COL23A1: variants seen among roughly 807,000 people sequenced by gnomAD.
COL23A1 encodes collagen alpha-1(XXIII) chain.
In COL23A1, 97 loss-of-function variants were observed where a neutral mutation model predicts 99.3. The observed-to-expected ratio is 0.98, with a 90% CI of 0.83 to 1.16. The LOEUF (loss-of-function observed/expected upper bound fraction) is 1.16. Ranked by LOEUF, COL23A1 falls within the 50% of genes most tolerant of loss-of-function variation. The probability of loss-of-function intolerance (pLI) is 0.00; values close to 1 mark genes in which losing one functional copy is unlikely to be tolerated. For missense variants in COL23A1, 762 were observed against 757.4 expected (o/e 1.01, Z -0.07); for synonymous variants, 320 against 308.2 (o/e 1.04, Z -0.40).
At chr5:178,482,690 G>A (rs550515973) in intron 2 of COL23A1, among the ~76,000 whole-genome samples, 9 of 151,746 alleles carry the variant, frequency 5.9e-5, no homozygotes, top group South Asian at 2.1e-4. Flanking sequence ...TCAGGAGATC[G>A]AGACCATCCT....
intron 2 of COL23A1, chr5:178,344,697 A>C: frequency 3.4e-6 from 1 of 297,996 alleles, no homozygotes; most frequent in East Asian, 9.1e-5. Flanking sequence ...ATTTTTTCCT[A>C]ATATGTTTGA....
chr5:178,373,067 G>T (rs1046329966), intron 2 of COL23A1, among the ~76,000 whole-genome samples: 2 of 151,146 alleles, frequency 1.3e-5, no homozygotes, highest in African/African-American at 4.9e-5. Flanking sequence ...TACAGCTTCA[G>T]ATTTCTGAGA....
At chr5:178,380,464 T>C (rs1763320107) in intron 2 of COL23A1, among the ~76,000 whole-genome samples, 1 of 152,100 alleles carries the variant, frequency 6.6e-6, no homozygotes, top group Non-Finnish European at 1.5e-5. Flanking sequence ...CATATTTTCT[T>C]TCTTTTTCTG....
At position 178,544,446 on chromosome 5, in the gene COL23A1, C is replaced by T. The variant is rs572784726; in HGVS notation, c.361+16236G>A. ...AAATTAAGCCCAAGACCTGCCATGG[C>T]GGTGGGGAGCAGTCTCCCTCAGATG... On this transcript the variant is annotated intron_variant, in intron 2 of 28. Coordinates refer to ENST00000390654, the MANE Select transcript of COL23A1 (RefSeq NM_173465.4). This position sits in a 1 kb window ranked among gnomAD's most constrained non-coding sequence, Gnocchi z 4.4. Among the ~76,000 whole-genome samples, 95 of 152,282 alleles carry T rather than the reference C, an allele frequency of 6.2e-4. No individual in the cohort carries two copies. The highest frequency in any genetic ancestry group is 1.2e-3 in the Non-Finnish European group (85 of 68,020).
At chr5:178,570,186 CACTACAGCCTCG>C (rs974269376) in intron 1 of COL23A1, among the ~76,000 whole-genome samples, 7 of 151,076 alleles carry the variant, frequency 4.6e-5, no homozygotes, top group African/African-American at 1.7e-4. Flanking sequence ...CATCATGGCT[CACTACAGCCTCG>C]ACCTCCTGGG....
intron 2 of COL23A1, among the ~76,000 whole-genome samples, chr5:178,324,386 T>G (rs1759521681): frequency 6.6e-6 from 1 of 152,216 alleles, no homozygotes; most frequent in African/African-American, 2.4e-5. Flanking sequence ...TTGTCTTTTA[T>G]GCGCTCAGGA....
Position 178,462,222 on chromosome 5 carries a change from G to C in COL23A1, c.361+98460C>G, listed in dbSNP as rs1209247786. Among the ~76,000 whole-genome samples, 4 of 152,144 alleles carry C rather than the reference G, an allele frequency of 2.6e-5. No homozygotes were observed. The South Asian group carries it at 6.2e-4, about 24-fold the overall frequency. On this transcript the variant is annotated intron_variant, in intron 2 of 28. Coordinates refer to ENST00000390654, the MANE Select transcript of COL23A1 (RefSeq NM_173465.4). Reference sequence around the variant, plus strand: ...TTACTGTCATTTCACAGATGACATGGAGTCTCCAAGAGGTTCCCCCCCACC... The same window carrying C: ...TTACTGTCATTTCACAGATGACATGCAGTCTCCAAGAGGTTCCCCCCCACC...
chr5:178,360,474 G>C (rs188968935), intron 2 of COL23A1, among the ~76,000 whole-genome samples: 150 of 151,356 alleles, frequency 9.9e-4, no homozygotes, highest in Non-Finnish European at 1.7e-3. Context: ...GCCTCATGTG[G>C]GGGGGGATGG....
chr5:178,516,775 C>G (rs1042374924), intron 2 of COL23A1, among the ~76,000 whole-genome samples: 16 of 152,188 alleles, frequency 1.1e-4, no homozygotes, highest in African/African-American at 3.4e-4. Flanking sequence ...CCAGGCTCCC[C>G]AGATGCTCCT....
rs181625996 is a variant in COL23A1, at chr5:178,326,766, C to G, written c.362-19847G>C. On this transcript the variant is annotated intron_variant, in intron 2 of 28. Coordinates refer to ENST00000390654, the MANE Select transcript of COL23A1 (RefSeq NM_173465.4). ...ACGGAGTCTCGCTCTGTCACCCAGG[C>G]TGGAGTGCAGTGGCGCGATTTCGGC... Among the ~76,000 whole-genome samples the G allele has an allele frequency of 1.8e-3, 267 of 152,352 alleles. 5 individuals are homozygous for G. In the South Asian group the frequency reaches 0.042, roughly 24 times the overall value.
chr5:178,580,099 G>C (rs1158400478), intron 1 of COL23A1, among the ~76,000 whole-genome samples: 1 of 152,128 alleles, frequency 6.6e-6, no homozygotes, highest in African/African-American at 2.4e-5. Flanking sequence ...AGGCCAAGGC[G>C]GGTGGATCAC....
chr5:178,267,921 G>C (rs1168518996), intron 7 of COL23A1, among the ~76,000 whole-genome samples: 3 of 152,176 alleles, frequency 2.0e-5, no homozygotes, highest in Non-Finnish European at 4.4e-5. Context: ...ATTTACAGAT[G>C]GGGAAACTGA....
At chr5:178,499,224 T>C (rs751952799) in intron 2 of COL23A1, among the ~76,000 whole-genome samples, 2 of 152,114 alleles carry the variant, frequency 1.3e-5, no homozygotes, top group Admixed American at 6.5e-5. Flanking sequence ...CTCAGAGAGA[T>C]TTTTTAAACG....
chr5:178,368,932 G>A (rs934076864), intron 2 of COL23A1, among the ~76,000 whole-genome samples: 1 of 152,250 alleles, frequency 6.6e-6, no homozygotes, highest in Non-Finnish European at 1.5e-5. Flanking sequence ...TGGCAGCAAA[G>A]CCCAGCCAGG....
Position 178,262,155 on chromosome 5 carries a change from C to T in COL23A1, c.675+62G>A, listed in dbSNP as rs1470468374. ...GCTGTCGGCGTGTGTGGGAAAGGGG[C>T]TTCCAGGTCTGGGAACCATGATCCT... On this transcript the variant is annotated intron_variant, in intron 10 of 28. Coordinates refer to ENST00000390654, the MANE Select transcript of COL23A1 (RefSeq NM_173465.4). The T allele has an allele frequency of 3.9e-6, 6 of 1,524,876 alleles. No individual in the cohort carries two copies. In the South Asian group the frequency reaches 7.2e-5, roughly 18 times the overall value. 94.5% of individuals were successfully genotyped at this position (1,524,876 alleles called of 1,614,324 possible).
At chr5:178,372,340 G>C (rs1178831021) in intron 2 of COL23A1, among the ~76,000 whole-genome samples, 3 of 152,210 alleles carry the variant, frequency 2.0e-5, no homozygotes, top group Non-Finnish European at 2.9e-5. Flanking sequence ...TCTTATTAAA[G>C]TTTTTAGTCC....
intron 3 of COL23A1, among the ~76,000 whole-genome samples, chr5:178,301,920 T>A: frequency 7.9e-6 from 1 of 126,514 alleles, no homozygotes. Flanking sequence ...CAGCTTCAAT[T>A]CACCTCTGTG....
chr5:178,346,925 T>C lies in COL23A1; in HGVS notation c.362-40006A>G, dbSNP rs146720023. Among the ~76,000 whole-genome samples, 23 of 152,324 alleles carry C rather than the reference T, an allele frequency of 1.5e-4. No individual in the cohort carries two copies. The East Asian group carries it at 4.4e-3, about 29-fold the overall frequency. ...GCCTTGGGTTGGCCTGGGAGGCTGA[T>C]ACCTCACCAAGGCATGATTTTCCTC... On this transcript the variant is annotated intron_variant, in intron 2 of 28. Coordinates refer to ENST00000390654, the MANE Select transcript of COL23A1 (RefSeq NM_173465.4).
At chr5:178,368,149 C>A (rs775198334) in intron 2 of COL23A1, among the ~76,000 whole-genome samples, 1 of 152,146 alleles carries the variant, frequency 6.6e-6, no homozygotes, top group Non-Finnish European at 1.5e-5. Flanking sequence ...CTGTCTGGAT[C>A]AACTTGTTTT....
Sources: gnomAD v4.1 joint callset for allele counts (sites outside exome capture counted in the v4.1 genomes callset) on GRCh38, gnomAD v4.1.1 for gene constraint, Gnocchi (gnomAD v3.1) non-coding constraint, MANE v1.5 for transcripts, NCBI Gene and HGNC (gene_info 2026-07-23, HGNC 2026-07-21) for gene names.